Variants in TTC6 observed in about 807,000 individuals in gnomAD.
TTC6 encodes tetratricopeptide repeat domain 6, also known as tetratricopeptide repeat protein 6.
A neutral mutation model predicts 210.4 loss-of-function variants in TTC6; 172 were observed. The ratio of observed to expected loss-of-function variants is 0.82; its 90% CI spans 0.72 to 0.93. The LOEUF (loss-of-function observed/expected upper bound fraction) is 0.93, where lower values mean the gene tolerates loss of function less well. Among genes scored for constraint, TTC6 ranks in the 40% least tolerant of loss-of-function variants. The pLI, the probability that TTC6 is intolerant of heterozygous loss-of-function variation, is 0.00. For synonymous variants in TTC6, 804 were observed against 819.6 expected, an observed-to-expected ratio of 0.98 and a Z score of 0.32; for missense variants, 2,414 against 2,318.1, an observed-to-expected ratio of 1.04 and a Z score of -0.85.
intron 10 of TTC6, 26 bp downstream of exon 12, chr14:37,739,181 GT>G: frequency 6.8e-7 from 1 of 1,462,520 alleles, no homozygotes; most frequent in Non-Finnish European, 8.9e-7. Context: ...TTTTCTTATA[GT>G]TTAAGAAATA....
At chr14:37,695,936 G>T (rs1025310261) in intron 3 of TTC6, among the ~76,000 whole-genome samples, 7 of 152,108 alleles carry the variant, frequency 4.6e-5, no homozygotes, top group Non-Finnish European at 1.0e-4. Context: ...GCATAGATAT[G>T]GGATGACGAG....
intron 5 of TTC6, among the ~76,000 whole-genome samples, chr14:37,703,031 C>T (rs554883338): frequency 6.6e-6 from 1 of 151,968 alleles, no homozygotes; most frequent in Non-Finnish European, 1.5e-5. Flanking sequence ...AGAACTGCTC[C>T]AGTGTCTCCA....
exon 10 of TTC6, chr14:37,738,816 T>C: frequency 6.5e-7 from 1 of 1,529,342 alleles, no homozygotes; most frequent in Non-Finnish European, 8.7e-7. Context: ...GAGAAGATCA[T>C]AGCTCCTTTG....
At chr14:37,675,809 G>C (rs2095767988) in intron 1 of TTC6, among the ~76,000 whole-genome samples, 1 of 150,292 alleles carries the variant, frequency 6.7e-6, no homozygotes, top group Non-Finnish European at 1.5e-5. Context: ...CTGTGATTTT[G>C]ATTTGTGTTT....
chr14:37,670,849 G>T (rs776445280), intron 1 of TTC6, among the ~76,000 whole-genome samples: 8 of 152,066 alleles, frequency 5.3e-5, no homozygotes, highest in Non-Finnish European at 1.0e-4. Flanking sequence ...GCAATAATAG[G>T]TAATAATGAA....
chr14:37,838,052 T>C (rs4901298), intron 29 of TTC6, among the ~76,000 whole-genome samples: 137,887 of 152,184 alleles, frequency 0.91, 62,698 homozygotes, highest in Middle Eastern at 0.95. Context: ...AGAAGCCAGA[T>C]TGTGTTTGGT....
intron 1 of TTC6, among the ~76,000 whole-genome samples, chr14:37,629,788 C>T (rs1325597433): frequency 6.6e-6 from 1 of 152,074 alleles, no homozygotes; most frequent in Non-Finnish European, 1.5e-5. Context: ...CCCATCAATA[C>T]CTAGTTTATA....
intron 1 of TTC6, among the ~76,000 whole-genome samples, chr14:37,603,387 C>T (rs959883744): frequency 6.6e-6 from 1 of 152,160 alleles, no homozygotes; most frequent in African/African-American, 2.4e-5. Context: ...AAATGAGGAA[C>T]CCGTGTGAAC....
chr14:37,607,109 T>A (rs1228643167), intron 2 of TTC6, among the ~76,000 whole-genome samples: 2 of 152,198 alleles, frequency 1.3e-5, no homozygotes, highest in Non-Finnish European at 2.9e-5. Context: ...AAATCTCTAG[T>A]GTATTACCAT....
Position 37,808,859 on chromosome 14 carries a change from T to G in TTC6, c.4569+13T>G, listed in dbSNP as rs748855488. The G allele has an allele frequency of 7.5e-7, 1 of 1,333,740 alleles. No individual in the cohort carries two copies. The highest frequency in any genetic ancestry group is 1.0e-6 in the Non-Finnish European group (1 of 952,460). The allele number at this position is 1,333,740 out of a possible 1,614,324, so 82.6% of individuals were successfully genotyped here. ...GGAACTTCAAATGGTAAGATGACCATTTTAGTAAACAATGTGTTTAAAGTG... is the reference window on the plus strand; with the variant it reads ...GGAACTTCAAATGGTAAGATGACCAGTTTAGTAAACAATGTGTTTAAAGTG... On this transcript the variant is annotated intron_variant, in intron 24 of 30. Transcript: ENST00000553443.
At chr14:37,732,835 T>C (rs2095891449) in intron 7 of TTC6, among the ~76,000 whole-genome samples, 1 of 151,494 alleles carries the variant, frequency 6.6e-6, no homozygotes, top group South Asian at 2.1e-4. Flanking sequence ...TTCAATCTCC[T>C]GACCTCGTGA....
At chr14:37,795,693 C>G (rs906769690) in intron 18 of TTC6, among the ~76,000 whole-genome samples, 2 of 152,092 alleles carry the variant, frequency 1.3e-5, no homozygotes, top group African/African-American at 4.8e-5. Flanking sequence ...TGTCCACAAT[C>G]AAACATAAGC....
chr14:37,661,812 T>A (rs1017982117), intron 1 of TTC6, among the ~76,000 whole-genome samples: 6 of 152,214 alleles, frequency 3.9e-5, no homozygotes, highest in African/African-American at 1.4e-4. Flanking sequence ...TGGAATATTT[T>A]TCCATTTGCT....
intron 10 of TTC6, among the ~76,000 whole-genome samples, chr14:37,740,533 A>T (rs1399399877): frequency 6.6e-6 from 1 of 152,212 alleles, no homozygotes; most frequent in African/African-American, 2.4e-5. Context: ...TCTGTAAAAG[A>T]GTTAATTATT....
chr14:37,823,987 G>A (rs1012393776), intron 27 of TTC6, 30 bp downstream of exon 29: 11 of 1,594,992 alleles, frequency 6.9e-6, no homozygotes, highest in Non-Finnish European at 9.5e-6. Flanking sequence ...AGCATTAAAA[G>A]CATGTTTTGG....
At chr14:37,812,266 A>G in intron 24 of TTC6, 48 bp from the exon 27 acceptor site, 2 of 1,589,292 alleles carry the variant, frequency 1.3e-6, no homozygotes, top group Non-Finnish European at 1.7e-6. Flanking sequence ...TAGCCAATGA[A>G]TTCAGGCTCT....
At chr14:37,605,206 T>A (rs186773762) in intron 1 of TTC6, among the ~76,000 whole-genome samples, 1 of 152,296 alleles carries the variant, frequency 6.6e-6, no homozygotes, top group Non-Finnish European at 1.5e-5. Flanking sequence ...AGAAATTGAT[T>A]AAACCCTCCT....
Position 37,622,290 on chromosome 14 carries a change from T to C in TTC6, c.226T>C (p.Tyr76His), listed in dbSNP as rs1248414478. 7.8e-6 allele frequency: 12 copies of C among 1,534,926 alleles called. No homozygotes were observed. In the East Asian group the frequency reaches 2.2e-4, roughly 28 times the overall value. The stretch of plus-strand genomic sequence containing the variant: ...CGCCGCAGCCCGGACGTCGAGAAGA[T>C]ACCCTTCGCTTAAAGGCCCTGCGAT... Residue 76 changes from tyrosine (Y) to histidine (H), a missense_variant, in exon 1 of 31, where the codon TAC (tyrosine) becomes CAC (histidine). By Grantham distance (83) the Tyr-to-His change is moderately conservative. Transcript: ENST00000553443.
intron 1 of TTC6, among the ~76,000 whole-genome samples, chr14:37,633,924 C>G (rs1489373656): frequency 6.6e-6 from 1 of 152,182 alleles, no homozygotes; most frequent in East Asian, 1.9e-4. Context: ...ACTTCTACCT[C>G]CAGTTGGTAG....
Sources: gnomAD v4.1 joint callset for allele counts (sites outside exome capture counted in the v4.1 genomes callset) on GRCh38, gnomAD v4.1.1 for gene constraint, MANE v1.5 for transcripts, NCBI Gene and HGNC (gene_info 2026-07-23, HGNC 2026-07-21) for gene names.